METTL4: variants seen among roughly 807,000 people sequenced by gnomAD.
METTL4 encodes the protein N(6)-adenine-specific methyltransferase METTL4.
METTL4 carries 40 observed loss-of-function variants against 54.0 expected under a neutral mutation model. The observed-to-expected ratio is 0.74, with a 90% CI of 0.58 to 0.96. The LOEUF (loss-of-function observed/expected upper bound fraction) is 0.96. Among genes scored for constraint, METTL4 ranks in the 50% least tolerant of loss-of-function variants. The pLI is 0.00. For synonymous variants in METTL4, 169 were observed against 183.8 expected, an observed-to-expected ratio of 0.92 and a Z score of 0.65; for missense variants, 525 against 549.0, an observed-to-expected ratio of 0.96 and a Z score of 0.44.
chr18:2,542,102 G>A (rs1168859984), intron 8 of METTL4, among the ~76,000 whole-genome samples: 3 of 152,046 alleles, frequency 2.0e-5, no homozygotes, highest in African/African-American at 4.8e-5. Context: ...GTCTTTAAAT[G>A]TTTTCAATGC....
chr18:2,544,479 C>A (rs1346851722), intron 7 of METTL4, among the ~76,000 whole-genome samples, 174 bp downstream of exon 7: 2 of 151,554 alleles, frequency 1.3e-5, no homozygotes, highest in Non-Finnish European at 2.9e-5. Context: ...GACAATTACA[C>A]ACTAGATAAA....
intron 8 of METTL4, among the ~76,000 whole-genome samples, chr18:2,543,477 A>T (rs1405024769): frequency 2.0e-5 from 3 of 152,188 alleles, no homozygotes; most frequent in Non-Finnish European, 4.4e-5. Flanking sequence ...ATCACATGCT[A>T]CGGAACTTTA....
Position 2,555,111 on chromosome 18 carries a change from T to TGA in METTL4, c.460-75_460-74dup. Reference sequence around the variant, plus strand: ...GAACATTGACTGTGCTTTGAATATCTGAGTTTATAAACTGAAATCAATATC... The same window carrying TGA: ...GAACATTGACTGTGCTTTGAATATCTGAGAGTTTATAAACTGAAATCAATATC... On this transcript the variant is annotated intron_variant, in intron 3 of 8. Coordinates refer to ENST00000574538, the MANE Select transcript of METTL4 (RefSeq NM_022840.5). 2.1e-6 allele frequency: 3 copies of TGA among 1,425,884 alleles called. 1 individual carries two copies. In the South Asian group the frequency reaches 3.7e-5, roughly 18 times the overall value. The allele number at this position is 1,425,884 out of a possible 1,614,324, so 88.3% of individuals were successfully genotyped here. A position where few individuals can be genotyped will look rare whatever the true frequency, so the allele number is the denominator to read the frequency against.
At chr18:2,557,909 G>A (rs2072262146) in intron 3 of METTL4, among the ~76,000 whole-genome samples, 1 of 152,106 alleles carries the variant, frequency 6.6e-6, no homozygotes, top group African/African-American at 2.4e-5. Context: ...TCTTGACAGG[G>A]GTACTGGGTA....
chr18:2,550,886 C>T (rs1005556028), intron 5 of METTL4, among the ~76,000 whole-genome samples: 6 of 152,128 alleles, frequency 3.9e-5, no homozygotes, highest in African/African-American at 1.2e-4. Context: ...TTATATCAGC[C>T]GGGCGCGGTG....
At chr18:2,539,772 G>A (rs1222125430) in intron 8 of METTL4, 193 of 937,366 alleles carry the variant, frequency 2.1e-4, no homozygotes, top group Admixed American at 2.5e-4. Context: ...AGGAGCCACC[G>A]CACCCAGCCA....
chr18:2,559,526 G>C (rs140573525), intron 3 of METTL4, among the ~76,000 whole-genome samples: 215 of 152,200 alleles, frequency 1.4e-3, no homozygotes, highest in African/African-American at 5.0e-3. Context: ...AATGTACTTA[G>C]TGCCACTAAA....
At chr18:2,544,366 G>T in intron 7 of METTL4, 80 bp from the exon 8 acceptor site, 2 of 1,018,892 alleles carry the variant, frequency 2.0e-6, no homozygotes, top group Admixed American at 2.8e-5. Context: ...ATTGATTTTT[G>T]TTCTCTTTCT....
Position 2,539,023 on chromosome 18 carries a change from T to C in METTL4, c.1396A>G (p.Ile466Val), listed in dbSNP as rs757097044. 2 of 1,613,878 alleles carry C rather than the reference T, an allele frequency of 1.2e-6. No homozygotes were observed. The highest frequency in any genetic ancestry group is 2.2e-5 in the South Asian group (2 of 91,074). The change falls in exon 9 of 9, where the codon ATT (isoleucine) becomes GTT (valine). Residue 466 changes from isoleucine (I) to valine (V), a missense_variant. Ile to Val is a conservative substitution (Grantham distance 29). Transcript: ENST00000574538. ...AGTCAGCTTCCAGACTCCACAGCAA[T>C]AAAATAATCCACATGCTGAAATTTG... is the stretch of plus-strand genomic sequence containing the variant. ...VLKFQHVDYF[I>V]AVESGS
intron 2 of METTL4, 23 bp from the exon 3 acceptor site, chr18:2,563,882 G>A (rs2072361301): frequency 6.3e-7 from 1 of 1,576,388 alleles, no homozygotes; most frequent in Non-Finnish European, 8.6e-7. Flanking sequence ...TCAATTACAG[G>A]GGAAAAGTTA....
chr18:2,560,958 T>C (rs1342257023), intron 3 of METTL4, among the ~76,000 whole-genome samples: 1 of 152,214 alleles, frequency 6.6e-6, no homozygotes, highest in Non-Finnish European at 1.5e-5. Context: ...GCAAGGATGG[T>C]TAATTGAGGA....
chr18:2,546,481 C>G (rs913688125), intron 6 of METTL4, among the ~76,000 whole-genome samples: 4 of 151,962 alleles, frequency 2.6e-5, no homozygotes, highest in Admixed American at 2.0e-4. Flanking sequence ...ATGTATCCCC[C>G]CAAGGATAAG....
intron 1 of METTL4, among the ~76,000 whole-genome samples, 164 bp from the exon 2 acceptor site, chr18:2,567,818 C>T (rs754103907): frequency 1.2e-4 from 19 of 152,210 alleles, no homozygotes; most frequent in Admixed American, 7.2e-4. Context: ...TCTCCAGTAT[C>T]ATCTTCCCTA....
chr18:2,563,041 G>GA (rs981423150), intron 3 of METTL4, among the ~76,000 whole-genome samples: 40 of 150,848 alleles, frequency 2.7e-4, no homozygotes, highest in African/African-American at 9.0e-4. Flanking sequence ...GTGCTCCATG[G>GA]AAAAAAAAAT....
chr18:2,544,882 C>A, intron 6 of METTL4, 123 bp from the exon 7 acceptor site: 2 of 506,814 alleles, frequency 3.9e-6, no homozygotes, highest in Non-Finnish European at 6.9e-6. Context: ...ATGTGAGCCA[C>A]ATTTATCATT....
At chr18:2,554,572 T>C in intron 4 of METTL4, 97 bp downstream of exon 4, 8 of 1,126,400 alleles carry the variant, frequency 7.1e-6, no homozygotes, top group Middle Eastern at 3.1e-4. Flanking sequence ...CCTATCCTCA[T>C]AAATGCTGAC....
intron 4 of METTL4, chr18:2,553,800 T>C (rs1368114166): frequency 6.6e-6 from 1 of 152,180 alleles, no homozygotes; most frequent in African/African-American, 2.4e-5. Context: ...TTTAAGCTAT[T>C]AGAGTAACAA....
intron 3 of METTL4, among the ~76,000 whole-genome samples, chr18:2,560,572 CATT>C (rs2072301825): frequency 6.6e-6 from 1 of 152,000 alleles, no homozygotes; most frequent in Non-Finnish European, 1.5e-5. Context: ...CCAAATAAAA[CATT>C]AGCAAATAAA....
intron 4 of METTL4, chr18:2,553,080 T>C (rs2072187182): frequency 5.0e-6 from 1 of 200,142 alleles, no homozygotes; most frequent in Non-Finnish European, 1.0e-5. Context: ...CATATTAATA[T>C]AGTTCTAAGA....
Sources: gnomAD v4.1 joint callset for allele counts (sites outside exome capture counted in the v4.1 genomes callset) on GRCh38, gnomAD v4.1.1 for gene constraint, MANE v1.5 for transcripts, NCBI Gene and HGNC (gene_info 2026-07-23, HGNC 2026-07-21) for gene names.